The following GRM3 variants were observed in gnomAD, a reference collection of about 807,000 sequenced individuals.
The protein encoded by GRM3 is metabotropic glutamate receptor 3.
A neutral mutation model predicts 70.5 loss-of-function variants in GRM3; 26 were observed. The observed-to-expected ratio is 0.37, with a 90% CI of 0.27 to 0.51. The LOEUF is 0.51. Among genes scored for constraint, GRM3 ranks in the 20% least tolerant of loss-of-function variants. GRM3 has a pLI of 0.93. For missense variants in GRM3, 859 were observed against 1,123.8 expected, an observed-to-expected ratio of 0.76 and a Z score of 3.37; for synonymous variants, 443 against 434.9, an observed-to-expected ratio of 1.02 and a Z score of -0.23.
chr7:86,806,777 T>C (rs1187960379), intron 3 of GRM3, among the ~76,000 whole-genome samples: 4 of 152,162 alleles, frequency 2.6e-5, no homozygotes, highest in Non-Finnish European at 5.9e-5. Context: ...ATTTTGGCTT[T>C]TGTTGCCATT....
At chr7:86,856,850 G>A (rs1798859914) in intron 5 of GRM3, among the ~76,000 whole-genome samples, 1 of 152,030 alleles carries the variant, frequency 6.6e-6, no homozygotes, top group Non-Finnish European at 1.5e-5. Context: ...TTTTCCCCTA[G>A]TAAATATAGC....
chr7:86,777,143 A>G (rs1439120893), intron 2 of GRM3, among the ~76,000 whole-genome samples: 1 of 152,190 alleles, frequency 6.6e-6, no homozygotes, highest in Non-Finnish European at 1.5e-5. Context: ...ATGTCTTTTA[A>G]TACCAGTCTC....
chr7:86,852,956 T>C (rs567224045), intron 5 of GRM3, among the ~76,000 whole-genome samples: 9 of 152,254 alleles, frequency 5.9e-5, no homozygotes, highest in African/African-American at 1.9e-4. Context: ...ACTTTCCCAT[T>C]TTAATAAGTT....
chr7:86,718,101 T>C (rs559617523), intron 1 of GRM3, among the ~76,000 whole-genome samples: 61 of 152,154 alleles, frequency 4.0e-4, no homozygotes, highest in African/African-American at 1.5e-3. Flanking sequence ...TGTGATATTT[T>C]AGCCTTTAAA....
intron 1 of GRM3, among the ~76,000 whole-genome samples, chr7:86,655,995 T>A (rs1431452886): frequency 1.3e-5 from 2 of 152,130 alleles, no homozygotes. Context: ...TGCAACAGAC[T>A]CTTACTTTGA....
chr7:86,796,475 A>G (rs982552167), intron 3 of GRM3, among the ~76,000 whole-genome samples: 5 of 152,012 alleles, frequency 3.3e-5, no homozygotes, highest in African/African-American at 9.7e-5. Flanking sequence ...GCCTTGTTGT[A>G]TAGTTTGAAG....
chr7:86,850,853 C>T (rs1798742976), intron 5 of GRM3, among the ~76,000 whole-genome samples: 1 of 152,126 alleles, frequency 6.6e-6, no homozygotes, highest in Non-Finnish European at 1.5e-5. Flanking sequence ...TCCTGTTCTG[C>T]ACTCAATTTA....
intron 1 of GRM3, among the ~76,000 whole-genome samples, chr7:86,685,869 C>T (rs1040039617): frequency 7.0e-6 from 1 of 143,156 alleles, no homozygotes; most frequent in South Asian, 2.2e-4. Context: ...CGCACCACTG[C>T]ACTCTTAGCC....
intron 3 of GRM3, among the ~76,000 whole-genome samples, chr7:86,809,727 C>A (rs751899676): frequency 6.6e-5 from 10 of 152,008 alleles, no homozygotes; most frequent in Non-Finnish European, 1.0e-4. Context: ...TACCCTCCAA[C>A]AAGCGCTAGT....
At chr7:86,857,562 G>A (rs905079132) in intron 5 of GRM3, among the ~76,000 whole-genome samples, 3 of 152,282 alleles carry the variant, frequency 2.0e-5, no homozygotes, top group Admixed American at 1.3e-4. Context: ...AGCCAATAAA[G>A]TGTTCTGATA....
intron 1 of GRM3, among the ~76,000 whole-genome samples, chr7:86,760,421 A>C (rs1435541613): frequency 6.6e-6 from 1 of 152,068 alleles, no homozygotes; most frequent in African/African-American, 2.4e-5. Flanking sequence ...TTGACGCATC[A>C]CTCATCATCC....
At chr7:86,751,636 T>C (rs1462624773) in intron 1 of GRM3, among the ~76,000 whole-genome samples, 2 of 152,118 alleles carry the variant, frequency 1.3e-5, no homozygotes, top group Non-Finnish European at 2.9e-5. Context: ...CCATGCAGCC[T>C]AAACTATAAA....
At chr7:86,781,133 C>T (rs548514029) in intron 2 of GRM3, among the ~76,000 whole-genome samples, 13 of 152,110 alleles carry the variant, frequency 8.5e-5, no homozygotes, top group African/African-American at 2.9e-4. Context: ...CATAAGAATG[C>T]CCTGAGGATT....
At chr7:86,858,691 G>T (rs1334749520) in intron 5 of GRM3, among the ~76,000 whole-genome samples, 1 of 152,154 alleles carries the variant, frequency 6.6e-6, no homozygotes, top group Non-Finnish European at 1.5e-5. Context: ...GAGACCAAGT[G>T]CTATTTCTGT....
chr7:86,791,281 A>G (rs529029829), intron 3 of GRM3, among the ~76,000 whole-genome samples: 2 of 152,334 alleles, frequency 1.3e-5, no homozygotes, highest in Non-Finnish European at 1.5e-5. Context: ...CAAGCAATCA[A>G]TTTATAATAT....
intron 1 of GRM3, among the ~76,000 whole-genome samples, chr7:86,651,121 CATT>C (rs1470686826): frequency 6.6e-6 from 1 of 152,188 alleles, no homozygotes; most frequent in African/African-American, 2.4e-5. Flanking sequence ...ACCCACATCT[CATT>C]ATTCTCTGAC....
At chr7:86,697,523 T>A (rs1794846683) in intron 1 of GRM3, among the ~76,000 whole-genome samples, 1 of 152,070 alleles carries the variant, frequency 6.6e-6, no homozygotes, top group African/African-American at 2.4e-5. Flanking sequence ...AGAGAAGACA[T>A]TTTTTCTGAA....
intron 1 of GRM3, among the ~76,000 whole-genome samples, chr7:86,646,775 CT>C (rs1452454548): frequency 6.6e-6 from 1 of 151,914 alleles, no homozygotes; most frequent in African/African-American, 2.4e-5. Context: ...ATTTTTCAAA[CT>C]TCAGGAATAT....
intron 1 of GRM3, among the ~76,000 whole-genome samples, chr7:86,757,515 C>T (rs765677526): frequency 1.7e-4 from 26 of 152,160 alleles, no homozygotes; most frequent in Non-Finnish European, 2.9e-4. Flanking sequence ...CTCTGCACTC[C>T]GGCTGGCTTG....
Sources: gnomAD v4.1 joint callset for allele counts (sites outside exome capture counted in the v4.1 genomes callset) on GRCh38, gnomAD v4.1.1 for gene constraint, MANE v1.5 for transcripts, NCBI Gene and HGNC (gene_info 2026-07-23, HGNC 2026-07-21) for gene names.